TRAK1: variants seen among roughly 807,000 people sequenced by gnomAD.
TRAK1 encodes the protein trafficking kinesin-binding protein 1.
TRAK1 carries 33 observed loss-of-function variants against 92.1 expected under a neutral mutation model. The observed-to-expected ratio is 0.36, with a 90% CI of 0.27 to 0.48. The LOEUF (loss-of-function observed/expected upper bound fraction) is 0.48, where lower values mean the gene tolerates loss of function less well. Among genes scored for constraint, TRAK1 ranks in the 20% least tolerant of loss-of-function variants. The probability of loss-of-function intolerance (pLI) is 0.99; values close to 1 mark genes in which losing one functional copy is unlikely to be tolerated. For synonymous variants in TRAK1, 521 were observed against 517.3 expected (o/e 1.01, Z -0.10); for missense variants, 1,123 against 1,257.9 (o/e 0.89, Z 1.62).
intron 1 of TRAK1, among the ~76,000 whole-genome samples, chr3:42,038,730 G>A (rs906526981): frequency 6.7e-6 from 1 of 150,112 alleles, no homozygotes; most frequent in African/African-American, 2.5e-5. Context: ...AGAGGTTGCA[G>A]TGAGGTGAGA....
At chr3:42,122,461 TCTA>T (rs1397214381) in intron 1 of TRAK1, among the ~76,000 whole-genome samples, 1 of 152,076 alleles carries the variant, frequency 6.6e-6, no homozygotes. Context: ...CCCTGCCTGT[TCTA>T]CTAGGGATAG....
At chr3:42,153,983 A>G (rs4974005) in intron 2 of TRAK1, among the ~76,000 whole-genome samples, 86,361 of 151,864 alleles carry the variant, frequency 0.57, 25,569 homozygotes, top group East Asian at 0.95. Context: ...AAGAAAAAGA[A>G]TGAAATGTAA....
rs369335762 is a variant in TRAK1, at chr3:42,055,482, A to G, written c.-518-31622A>G. On this transcript the variant is annotated intron_variant, in intron 1 of 16. Transcript: ENST00000487159. The stretch of plus-strand genomic sequence containing the variant: ...ACCACAGCAAATCTTATTTGTTGAG[A>G]CAGGTTCTCTTGCTCTGTTGCCCAA... Among the ~76,000 whole-genome samples, 35 of 152,336 alleles carry G rather than the reference A, an allele frequency of 2.3e-4. No homozygotes were observed. The South Asian group carries it at 6.8e-3, about 30-fold the overall frequency.
chr3:42,166,725 T>G (rs1701912545), intron 2 of TRAK1, among the ~76,000 whole-genome samples: 1 of 152,232 alleles, frequency 6.6e-6, no homozygotes, highest in Admixed American at 6.5e-5. Context: ...CAAGGGAAAG[T>G]GAGCCAGTAG....
At chr3:42,063,120 G>T (rs572042261) in intron 1 of TRAK1, among the ~76,000 whole-genome samples, 2 of 152,050 alleles carry the variant, frequency 1.3e-5, no homozygotes, top group African/African-American at 2.4e-5. Context: ...CCATCCCACC[G>T]CCTGCTGTTA....
chr3:42,212,484 A>T (rs1709173058), intron 14 of TRAK1: 1 of 985,320 alleles, frequency 1.0e-6, no homozygotes, highest in Admixed American at 6.1e-5. Context: ...CACTGAAAAA[A>T]TTTGATTAAT....
At chr3:42,170,824 CTTTTT>C (rs772908047) in intron 2 of TRAK1, among the ~76,000 whole-genome samples, 1 of 139,648 alleles carries the variant, frequency 7.2e-6, no homozygotes. Flanking sequence ...TCTTGAATAT[CTTTTT>C]TTTTTTTTTT....
At chr3:42,021,488 CT>C (rs1322972894) in intron 1 of TRAK1, among the ~76,000 whole-genome samples, 2 of 152,140 alleles carry the variant, frequency 1.3e-5, no homozygotes, top group East Asian at 1.9e-4. Flanking sequence ...CTTTTTTCCC[CT>C]GTAAGATTGT....
intron 1 of TRAK1, among the ~76,000 whole-genome samples, chr3:42,093,557 TCTC>T (rs1437500125): frequency 2.0e-5 from 3 of 151,700 alleles, no homozygotes; most frequent in Non-Finnish European, 4.4e-5. Context: ...ATTTTTATCT[TCTC>T]CTAACTGGTT....
intron 2 of TRAK1, among the ~76,000 whole-genome samples, chr3:42,153,179 G>A (rs1353905268): frequency 6.6e-6 from 1 of 152,128 alleles, no homozygotes; most frequent in African/African-American, 2.4e-5. Context: ...AAAGGGGGGA[G>A]GATCACTTGA....
At chr3:42,021,584 A>G (rs1000359009) in intron 1 of TRAK1, among the ~76,000 whole-genome samples, 1 of 152,038 alleles carries the variant, frequency 6.6e-6, no homozygotes, top group African/African-American at 2.4e-5. Context: ...TCATACAGTT[A>G]TTATTTTTTT....
At position 42,117,895 on chromosome 3, in the gene TRAK1, GCC is replaced by G. The variant is rs568727018; in HGVS notation, c.92-7523_92-7522del. Among the ~76,000 whole-genome samples, 607 of 151,950 alleles carry G rather than the reference GCC, an allele frequency of 4.0e-3. 4 individuals are homozygous for G. The highest frequency in any genetic ancestry group is 0.014 in the African/African-American group (565 of 41,436). On this transcript the variant is annotated intron_variant, in intron 1 of 15. Coordinates refer to ENST00000327628, the MANE Select transcript of TRAK1 (RefSeq NM_001042646.3). ...TGCAGTGGCCTGATCTCGGCTCACT[GCC>G]CAACCTCTGCCTCCTGGGTTTAAGC...
intron 1 of TRAK1, among the ~76,000 whole-genome samples, chr3:42,078,725 C>T (rs1039300654): frequency 6.9e-6 from 1 of 144,182 alleles, no homozygotes; most frequent in African/African-American, 2.6e-5. Flanking sequence ...TGCACTCCAG[C>T]CTGGGAGACA....
intron 1 of TRAK1, among the ~76,000 whole-genome samples, chr3:42,029,792 AC>A (rs1018956090): frequency 2.0e-5 from 3 of 151,852 alleles, no homozygotes; most frequent in African/African-American, 7.2e-5. Context: ...CAAGTGATCC[AC>A]CCACCTCAGC....
intron 1 of TRAK1, among the ~76,000 whole-genome samples, chr3:42,107,962 G>A (rs371941476): frequency 2.0e-4 from 31 of 151,574 alleles, no homozygotes; most frequent in African/African-American, 7.0e-4. Flanking sequence ...AGAAGGCTGC[G>A]GAAGCTCCAG....
intron 6 of TRAK1, among the ~76,000 whole-genome samples, chr3:42,190,963 C>CT (rs1236575096): frequency 1.3e-5 from 2 of 152,150 alleles, no homozygotes; most frequent in African/African-American, 4.8e-5. Context: ...CTTCAGATCT[C>CT]TATCATCCCA....
At chr3:42,203,227 A>T (rs149915818) in intron 13 of TRAK1, 472 of 1,067,642 alleles carry the variant, frequency 4.4e-4, no homozygotes, top group Non-Finnish European at 5.0e-4. Flanking sequence ...AACCACCTGA[A>T]TGTGATTTGT....
Position 42,100,613 on chromosome 3 carries a change from T to G in TRAK1, c.91+9053T>G, listed in dbSNP as rs115637628. The stretch of plus-strand genomic sequence containing the variant: ...AGGAGATTCTGATGGGGGTGTAATT[T>G]CATTCCCATGTAGTGAACTTTATTC... On this transcript the variant is annotated intron_variant, in intron 1 of 15. Coordinates refer to ENST00000327628, the MANE Select transcript of TRAK1 (RefSeq NM_001042646.3). Among the ~76,000 whole-genome samples the G allele has an allele frequency of 6.3e-3, 965 of 152,342 alleles. 7 individuals are homozygous for G. Among genetic ancestry groups the G allele is most frequent in the African/African-American group, 0.022 (910 of 41,576 alleles).
chr3:42,065,015 T>C (rs1703616936), intron 1 of TRAK1, among the ~76,000 whole-genome samples: 1 of 152,026 alleles, frequency 6.6e-6, no homozygotes, highest in Admixed American at 6.6e-5. Context: ...AGGTGGAGCT[T>C]ACAGTGAGCT....
Sources: allele counts gnomAD v4.1 joint callset (sites outside exome capture counted in the v4.1 genomes callset), GRCh38; gene constraint gnomAD v4.1.1; transcripts MANE v1.5; gene names NCBI Gene and HGNC (gene_info 2026-07-23, HGNC 2026-07-21).